The following THAP12 variants were observed in gnomAD, a reference collection of about 807,000 sequenced individuals.
THAP12 encodes the protein THAP domain containing 12.
Under a neutral mutation model 63.0 loss-of-function variants are expected in THAP12, and 20 were observed. The ratio of observed to expected loss-of-function variants is 0.32; its 90% CI spans 0.22 to 0.46. THAP12 has a LOEUF of 0.46. Ranked by LOEUF, THAP12 falls within the 20% of genes least tolerant of loss-of-function variation. The pLI is 1.00. For synonymous variants in THAP12, 264 were observed against 328.4 expected, an observed-to-expected ratio of 0.80 and a Z score of 2.12; for missense variants, 568 against 908.2, an observed-to-expected ratio of 0.63 and a Z score of 4.81.
chr11:76,362,984 A>C (rs1946607541), intron 2 of THAP12, among the ~76,000 whole-genome samples: 1 of 152,138 alleles, frequency 6.6e-6, no homozygotes, highest in Admixed American at 6.5e-5. Context: ...CTCTACAAAA[A>C]ATACAAAAAT....
rs770495108 is a variant in THAP12 at position 76,365,959 on chromosome 11, C to G, written c.103G>C (p.Val35Leu). 1 of 1,612,600 alleles carries G rather than the reference C, an allele frequency of 6.2e-7. No homozygotes were observed. The highest frequency in any genetic ancestry group is 8.5e-7 in the Non-Finnish European group (1 of 1,179,626). The change falls in exon 2 of 5, where the codon GTG (valine) becomes CTG (leucine). Residue 35 changes from valine to leucine, a missense_variant. Val to Leu is a conservative substitution (Grantham distance 32). Transcript: ENST00000260045. ...PRDPARCQKW[V>L]ENCRRADLED... Reference sequence around the variant, plus strand: ...AAGTCTGCTCTCCTACAGTTCTCCACCCACTTCTGGCATCTATAAATAAAA... The same window carrying G: ...AAGTCTGCTCTCCTACAGTTCTCCAGCCACTTCTGGCATCTATAAATAAAA...
chr11:76,355,853 G>A, intron 3 of THAP12, 199 bp from the exon 4 acceptor site: 1 of 413,392 alleles, frequency 2.4e-6, no homozygotes, highest in South Asian at 7.5e-5. Context: ...ATGACTCCAA[G>A]GTTATAACAA....
At chr11:76,372,615 G>T (rs945090887) in intron 1 of THAP12, among the ~76,000 whole-genome samples, 3 of 151,740 alleles carry the variant, frequency 2.0e-5, no homozygotes, top group East Asian at 3.9e-4. Flanking sequence ...AAAGGGACCG[G>T]GCATGGTGGC....
At chr11:76,359,974 A>G (rs368939717) in intron 3 of THAP12, among the ~76,000 whole-genome samples, 5 of 152,364 alleles carry the variant, frequency 3.3e-5, no homozygotes, top group African/African-American at 1.2e-4. Context: ...CAAATAATAC[A>G]GTGAAATGGA....
chr11:76,365,577 G>C (rs1450693945), intron 2 of THAP12, among the ~76,000 whole-genome samples: 3 of 152,044 alleles, frequency 2.0e-5, no homozygotes, highest in Admixed American at 6.6e-5. Context: ...TGTAGCGACG[G>C]CATCTGGCCA....
intron 3 of THAP12, among the ~76,000 whole-genome samples, chr11:76,360,498 C>T (rs1387690846): frequency 6.6e-6 from 1 of 152,174 alleles, no homozygotes; most frequent in African/African-American, 2.4e-5. Flanking sequence ...ATGCCATATA[C>T]AGAAATTTCA....
intron 2 of THAP12, among the ~76,000 whole-genome samples, chr11:76,365,493 C>T (rs983880267): frequency 1.1e-4 from 17 of 152,046 alleles, no homozygotes; most frequent in African/African-American, 4.1e-4. Context: ...CAAGTATCCT[C>T]CCATCTCAGC....
At chr11:76,367,834 A>G (rs1946642595) in intron 1 of THAP12, among the ~76,000 whole-genome samples, 1 of 152,298 alleles carries the variant, frequency 6.6e-6, no homozygotes, top group East Asian at 1.9e-4. Context: ...CTACTCTAAA[A>G]ATGTCAAATC....
intron 2 of THAP12, among the ~76,000 whole-genome samples, chr11:76,365,484 A>G (rs1039945729): frequency 2.0e-5 from 3 of 151,966 alleles, no homozygotes; most frequent in Admixed American, 1.3e-4. Context: ...TCATGGGCTC[A>G]AGTATCCTCC....
intron 1 of THAP12, among the ~76,000 whole-genome samples, chr11:76,377,514 G>GTAT (rs1200819427): frequency 6.6e-6 from 1 of 152,164 alleles, no homozygotes; most frequent in Non-Finnish European, 1.5e-5. Flanking sequence ...ATAAGCTTTT[G>GTAT]TATCTGACTT....
intron 2 of THAP12, among the ~76,000 whole-genome samples, chr11:76,364,999 A>T (rs1946621222): frequency 6.6e-6 from 1 of 152,212 alleles, no homozygotes; most frequent in Admixed American, 6.5e-5. Flanking sequence ...TGGTTACCTC[A>T]GCCGGGTGTG....
At chr11:76,355,904 T>C (rs902807920) in intron 3 of THAP12, 13 of 319,654 alleles carry the variant, frequency 4.1e-5, no homozygotes, top group African/African-American at 2.6e-4. Context: ...GCTTATTTTC[T>C]ACCTAAATCA....
intron 1 of THAP12, among the ~76,000 whole-genome samples, chr11:76,376,322 A>T (rs191828063): frequency 1.2e-3 from 188 of 152,342 alleles, no homozygotes; most frequent in African/African-American, 4.5e-3. Flanking sequence ...GAAATTCATG[A>T]TTTGGTCTTG....
intron 4 of THAP12, among the ~76,000 whole-genome samples, chr11:76,353,958 G>A (rs1442713947): frequency 7.2e-5 from 11 of 152,346 alleles, no homozygotes; most frequent in South Asian, 6.2e-4. Flanking sequence ...ATAGTTAGCC[G>A]AGATCGTGCC....
chr11:76,370,007 C>T (rs1445385734), intron 1 of THAP12, among the ~76,000 whole-genome samples: 1 of 152,182 alleles, frequency 6.6e-6, no homozygotes, highest in Non-Finnish European at 1.5e-5. Context: ...GGTGGTCTGG[C>T]TCCGCCTCAA....
At chr11:76,371,810 CTTTTTTT>C (rs71036086) in intron 1 of THAP12, among the ~76,000 whole-genome samples, 2 of 65,774 alleles carry the variant, frequency 3.0e-5, no homozygotes, top group Non-Finnish European at 5.9e-5. Context: ...TTTAACTTTT[CTTTTTTT>C]TTTTTTTTTT....
chr11:76,372,406 C>CT (rs1946680764), intron 1 of THAP12, among the ~76,000 whole-genome samples: 2 of 18,394 alleles, frequency 1.1e-4, no homozygotes, highest in African/African-American at 3.6e-4. Flanking sequence ...AGAATTGCTT[C>CT]TAAAAAAAAA....
At chr11:76,371,784 C>G (rs1364951368) in intron 1 of THAP12, among the ~76,000 whole-genome samples, 1 of 149,454 alleles carries the variant, frequency 6.7e-6, no homozygotes, top group Non-Finnish European at 1.5e-5. Context: ...CTTTCCTGTA[C>G]AGATTTTATT....
intron 3 of THAP12, among the ~76,000 whole-genome samples, chr11:76,359,824 C>G (rs573396437): frequency 7.1e-6 from 1 of 140,128 alleles, no homozygotes; most frequent in South Asian, 2.2e-4. Flanking sequence ...GACTCTGTCT[C>G]GGGGGGGAAA....
Sources: allele counts gnomAD v4.1 joint callset (sites outside exome capture counted in the v4.1 genomes callset), GRCh38; gene constraint gnomAD v4.1.1; transcripts MANE v1.5; gene names NCBI Gene and HGNC (gene_info 2026-07-23, HGNC 2026-07-21).